Variants in STPG2 observed in about 807,000 individuals in gnomAD.
STPG2 encodes the protein sperm tail PG-rich repeat containing 2.
STPG2 carries 56 observed loss-of-function variants against 54.2 expected under a neutral mutation model. The observed-to-expected ratio is 1.03, with a 90% CI of 0.83 to 1.29. STPG2 has a LOEUF of 1.29. Ranked by LOEUF, STPG2 falls within the 50% of genes most tolerant of loss-of-function variation. The pLI, the probability that STPG2 is intolerant of heterozygous loss-of-function variation, is 0.00. For missense variants in STPG2, 596 were observed against 544.9 expected (o/e 1.09, Z -0.93); for synonymous variants, 200 against 181.8 (o/e 1.10, Z -0.81).
intron 9 of STPG2, among the ~76,000 whole-genome samples, chr4:97,791,515 T>A (rs1726990563): frequency 6.6e-6 from 1 of 151,102 alleles, no homozygotes; most frequent in Admixed American, 6.6e-5. Context: ...ATACAAATAA[T>A]CCCTGTGAAA....
At chr4:97,526,754 C>A (rs1731289198) in intron 4 of STPG2, among the ~76,000 whole-genome samples, 1 of 152,048 alleles carries the variant, frequency 6.6e-6, no homozygotes, top group African/African-American at 2.4e-5. Flanking sequence ...TTTGCCCATG[C>A]CTATGTCCTG....
At chr4:97,800,125 G>GA (rs775591059) in intron 9 of STPG2, among the ~76,000 whole-genome samples, 16 of 152,102 alleles carry the variant, frequency 1.1e-4, no homozygotes, top group Non-Finnish European at 2.4e-4. Context: ...CGATGGATTT[G>GA]AACTTCCTCC....
At position 97,779,805 on chromosome 4, in the gene STPG2, C is replaced by T. The variant is rs554195572; in HGVS notation, c.1204+60968G>A. Among the ~76,000 whole-genome samples the T allele has an allele frequency of 5.9e-5, 9 of 152,196 alleles. No homozygotes were observed. The South Asian group carries it at 1.7e-3, about 28-fold the overall frequency. ...CGTTCTTAAAGAAAAGAATTTTCAA[C>T]CTAGAAATTCATATCCAGCCAAACT... On this transcript the variant is annotated intron_variant, in intron 9 of 10. Coordinates refer to ENST00000295268, the MANE Select transcript of STPG2 (RefSeq NM_174952.3).
chr4:97,998,868 G>A (rs1013631723), intron 5 of STPG2, among the ~76,000 whole-genome samples: 2 of 152,116 alleles, frequency 1.3e-5, no homozygotes, highest in African/African-American at 2.4e-5. Flanking sequence ...CCATGCACAT[G>A]TCAGTGGTTC....
chr4:97,753,616 T>C (rs759129274), intron 9 of STPG2, among the ~76,000 whole-genome samples: 1 of 152,036 alleles, frequency 6.6e-6, no homozygotes, highest in Non-Finnish European at 1.5e-5. Context: ...TAGTTCTATG[T>C]TTAACCATCT....
At chr4:97,454,519 CAAAAAAA>C (rs10564687) in intron 4 of STPG2, among the ~76,000 whole-genome samples, 224 of 43,404 alleles carry the variant, frequency 5.2e-3, no homozygotes, top group African/African-American at 8.0e-3. Flanking sequence ...GACTCCGTCT[CAAAAAAA>C]AAAAAAAAAA....
chr4:97,896,953 T>C (rs763534222), intron 8 of STPG2, among the ~76,000 whole-genome samples: 14 of 151,770 alleles, frequency 9.2e-5, no homozygotes, highest in African/African-American at 2.9e-4. Flanking sequence ...AGGATTGTTA[T>C]ATAGGTAAAG....
intron 5 of STPG2, among the ~76,000 whole-genome samples, chr4:98,044,289 C>T (rs1737057501): frequency 6.6e-6 from 1 of 152,072 alleles, no homozygotes; most frequent in Non-Finnish European, 1.5e-5. Flanking sequence ...TCATACTTTC[C>T]TACACTCTTG....
At chr4:97,609,470 G>A (rs1733681323) in intron 10 of STPG2, among the ~76,000 whole-genome samples, 1 of 151,954 alleles carries the variant, frequency 6.6e-6, no homozygotes, top group African/African-American at 2.4e-5. Context: ...AAGAAAGGAG[G>A]AAGAGGTAGA....
At chr4:97,922,999 G>A (rs551688971) in intron 8 of STPG2, among the ~76,000 whole-genome samples, 1 of 151,876 alleles carries the variant, frequency 6.6e-6, no homozygotes, top group African/African-American at 2.4e-5. Flanking sequence ...TTCTACCAAA[G>A]TCATTTCAAC....
At chr4:97,711,100 T>C (rs1407140317) in intron 10 of STPG2, among the ~76,000 whole-genome samples, 1 of 152,036 alleles carries the variant, frequency 6.6e-6, no homozygotes, top group Non-Finnish European at 1.5e-5. Flanking sequence ...GAACATCCTT[T>C]ACGAAGAATG....
intron 9 of STPG2, among the ~76,000 whole-genome samples, chr4:97,837,215 T>C (rs1728660343): frequency 6.6e-6 from 1 of 151,704 alleles, no homozygotes; most frequent in Non-Finnish European, 1.5e-5. Context: ...GTATCAATAA[T>C]AGCCTTAGGA....
intron 9 of STPG2, 122 bp downstream of exon 9, chr4:97,840,651 T>C: frequency 9.0e-7 from 1 of 1,109,984 alleles, no homozygotes; most frequent in Non-Finnish European, 1.3e-6. Context: ...AAAAATGGTT[T>C]TGTTATACAT....
intron 5 of STPG2, among the ~76,000 whole-genome samples, chr4:98,068,320 T>C (rs1258357715): frequency 6.6e-6 from 1 of 152,166 alleles, no homozygotes. Flanking sequence ...CCCTAGAGTA[T>C]CCCTTCTTAG....
At position 97,663,504 on chromosome 4, in the gene STPG2, T is replaced by C. The variant is rs1722432094; in HGVS notation, c.1320+49195A>G. Among the ~76,000 whole-genome samples, 3 of 152,310 alleles carry C rather than the reference T, an allele frequency of 2.0e-5. No homozygotes were observed. The South Asian group carries it at 6.2e-4, about 32-fold the overall frequency. ...CATTTTTATAACAAAAAAGTAAATT[T>C]TTCTTGCTTATAAGGGCTTCTGAAA... On this transcript the variant is annotated intron_variant, in intron 10 of 10. Transcript: ENST00000295268.
At chr4:98,052,846 A>G in intron 5 of STPG2, among the ~76,000 whole-genome samples, 1 of 152,212 alleles carries the variant, frequency 6.6e-6, no homozygotes, top group East Asian at 1.9e-4. Context: ...ACCACCTATT[A>G]AAAGATAGCT....
chr4:97,680,226 C>T (rs1722989699), intron 10 of STPG2, among the ~76,000 whole-genome samples: 1 of 151,710 alleles, frequency 6.6e-6, no homozygotes, highest in South Asian at 2.1e-4. Context: ...GCAGTATGGC[C>T]ATTTTTACGA....
intron 9 of STPG2, among the ~76,000 whole-genome samples, chr4:97,723,653 A>T (rs1019180625): frequency 6.6e-6 from 1 of 152,176 alleles, no homozygotes. Flanking sequence ...GCTATAAAGA[A>T]CTGCCTGAGA....
chr4:98,066,518 G>A (rs1737842593), intron 5 of STPG2, among the ~76,000 whole-genome samples: 1 of 152,166 alleles, frequency 6.6e-6, no homozygotes, highest in Non-Finnish European at 1.5e-5. Context: ...GAACCTGGAA[G>A]GCAGAGGTTG....
Sources: gnomAD v4.1 joint callset for allele counts (sites outside exome capture counted in the v4.1 genomes callset) on GRCh38, gnomAD v4.1.1 for gene constraint, MANE v1.5 for transcripts, NCBI Gene and HGNC (gene_info 2026-07-23, HGNC 2026-07-21) for gene names.